The following ARHGAP32 variants were observed in gnomAD, a reference collection of about 807,000 sequenced individuals.
The protein encoded by ARHGAP32 is Rho GTPase activating protein 32.
ARHGAP32 carries 51 observed loss-of-function variants against 186.5 expected under a neutral mutation model. The ratio of observed to expected loss-of-function variants is 0.27; its 90% CI spans 0.22 to 0.35. The LOEUF (loss-of-function observed/expected upper bound fraction) is 0.35, where lower values mean the gene tolerates loss of function less well. ARHGAP32 is among the 10% of genes least tolerant of loss of function. The probability of loss-of-function intolerance (pLI) is 1.00; values close to 1 mark genes in which losing one functional copy is unlikely to be tolerated. For missense variants in ARHGAP32, 2,186 were observed against 2,623.5 expected (o/e 0.83, Z 3.64); for synonymous variants, 950 against 964.3 (o/e 0.99, Z 0.27).
At chr11:129,085,108 C>CAATGTACT (rs1007476461) in intron 6 of ARHGAP32, among the ~76,000 whole-genome samples, 26 of 151,986 alleles carry the variant, frequency 1.7e-4, no homozygotes, top group African/African-American at 6.0e-4. Context: ...ATTACAGCCT[C>CAATGTACT]AATGTACTAG....
chr11:129,261,628 C>G (rs575148522), intron 1 of ARHGAP32, among the ~76,000 whole-genome samples: 1 of 152,232 alleles, frequency 6.6e-6, no homozygotes, highest in South Asian at 2.1e-4. Context: ...TTGTTTCCAC[C>G]TCTCTTCTGT....
rs146730518 is a variant in ARHGAP32, at chr11:129,023,724, T to C, written c.1045+17204A>G. On this transcript the variant is annotated intron_variant, in intron 11 of 22. Transcript: ENST00000682385. ...GTTCAAGTGCTGAATTTCTAGATAA[T>C]TAAATAATTAACCATTTACCTAAGA... The C allele has an allele frequency of 2.7e-3, 515 of 188,136 alleles. 8 individuals carry two copies. The highest frequency in any genetic ancestry group is 0.012 in the African/African-American group (485 of 42,172). 11.7% of individuals were successfully genotyped at this position (188,136 alleles called of 1,614,324 possible).
At chr11:129,112,041 G>A (rs1017512548) in intron 5 of ARHGAP32, among the ~76,000 whole-genome samples, 15 of 152,210 alleles carry the variant, frequency 9.9e-5, no homozygotes, top group East Asian at 1.9e-4. Context: ...TCAGGAGTTC[G>A]AGACCAGCCT....
At chr11:129,139,063 T>C (rs1378121472) in intron 2 of ARHGAP32, among the ~76,000 whole-genome samples, 1 of 152,134 alleles carries the variant, frequency 6.6e-6, no homozygotes, top group African/African-American at 2.4e-5. Flanking sequence ...TATCAAAATT[T>C]TATATTTTAA....
At chr11:129,193,658 AAT>A (rs1944337559), upstream of ARHGAP32, among the ~76,000 whole-genome samples, 2 of 66,490 alleles carry the variant, frequency 3.0e-5, no homozygotes, top group South Asian at 6.5e-4. Flanking sequence ...ATACATATAC[AAT>A]ATATATTATA....
intron 10 of ARHGAP32, among the ~76,000 whole-genome samples, chr11:129,056,053 C>T (rs1940241415): frequency 6.6e-6 from 1 of 152,106 alleles, no homozygotes; most frequent in Non-Finnish European, 1.5e-5. Flanking sequence ...GCTCCTTAGA[C>T]CACTCTTCTA....
rs779554113 is a variant in ARHGAP32, at chr11:128,974,957, T to C, written c.2240A>G (p.Asp747Gly). 1 of 1,613,048 alleles carries C rather than the reference T, an allele frequency of 6.2e-7. No individual in the cohort carries two copies. Among genetic ancestry groups the C allele is most frequent in the Non-Finnish European group, 8.5e-7 (1 of 1,179,692 alleles). ...FRPRRPRSSS[D>G]ALSASFNGEM... ...TCCATTAAAAGAGGCAGACAGTGCA[T>C]CACTGGAAGATCTGGGTCTTCTGGG... Residue 747 changes from aspartate to glycine, a missense_variant, in exon 21 of 23, where the codon GAT (aspartate) becomes GGT (glycine). Physicochemically the swap from Asp to Gly is moderately conservative, Grantham distance 94. Transcript: ENST00000682385.
intron 1 of ARHGAP32, among the ~76,000 whole-genome samples, chr11:129,200,123 G>C (rs1028319877): frequency 6.6e-6 from 1 of 152,152 alleles, no homozygotes; most frequent in African/African-American, 2.4e-5. Flanking sequence ...TATCTAGGAG[G>C]TAACTAACCT....
rs557905047 is a variant in ARHGAP32, at chr11:129,244,330, T to C, written c.-5+34816A>G. On this transcript the variant is annotated intron_variant, in intron 1 of 6. Transcript: ENST00000525234. Reference sequence around the variant, plus strand: ...TATAAATAATTCTGCAAATAATGTATCTGCATATATGGTTAGTTCCATATT... The same window carrying C: ...TATAAATAATTCTGCAAATAATGTACCTGCATATATGGTTAGTTCCATATT... Among the ~76,000 whole-genome samples the C allele has an allele frequency of 2.6e-5, 4 of 152,390 alleles. No homozygotes were observed. The South Asian group carries it at 8.3e-4, about 32-fold the overall frequency.
At chr11:129,136,178 A>G (rs547096806) in intron 2 of ARHGAP32, among the ~76,000 whole-genome samples, 1 of 152,356 alleles carries the variant, frequency 6.6e-6, no homozygotes, top group East Asian at 1.9e-4. Context: ...AGCACATTAC[A>G]AAAGAGGATA....
chr11:129,227,020 A>T (rs545962806), intron 1 of ARHGAP32, among the ~76,000 whole-genome samples: 1 of 152,086 alleles, frequency 6.6e-6, no homozygotes, highest in African/African-American at 2.4e-5. Context: ...TTCTTCTTCT[A>T]CCTAATTTAA....
intron 1 of ARHGAP32, among the ~76,000 whole-genome samples, chr11:129,226,597 T>C (rs373515519): frequency 2.6e-5 from 4 of 152,264 alleles, no homozygotes; most frequent in African/African-American, 7.2e-5. Flanking sequence ...AAAGAAATTG[T>C]TAACAAGACA....
rs1942800854 is a variant in ARHGAP32 at position 129,131,195 on chromosome 11, T to G, written c.226-6301A>C. 2.0e-5 allele frequency among the ~76,000 whole-genome samples: 3 copies of G among 152,116 alleles called. No homozygotes were observed. In the South Asian group the frequency reaches 6.2e-4, roughly 32 times the overall value. On this transcript the variant is annotated intron_variant, in intron 2 of 22. Transcript: ENST00000682385. ...AATACGAAAAAACCTTACCAAGAAC[T>G]GTTTTATATCTCGGTGTGGGTGGTG...
At chr11:129,182,646 C>CTT (rs982648182) in intron 1 of ARHGAP32, among the ~76,000 whole-genome samples, 3 of 144,438 alleles carry the variant, frequency 2.1e-5, no homozygotes, top group Non-Finnish European at 3.1e-5. Flanking sequence ...TTTCTATTAC[C>CTT]TTTTTTTTTT....
intron 3 of ARHGAP32, among the ~76,000 whole-genome samples, chr11:129,124,178 C>T (rs1016852341): frequency 5.3e-5 from 8 of 152,080 alleles, no homozygotes; most frequent in Non-Finnish European, 7.4e-5. Flanking sequence ...AGTCTAAACA[C>T]AAAATTCATT....
intron 1 of ARHGAP32, among the ~76,000 whole-genome samples, chr11:129,166,231 T>G (rs78513980): frequency 6.6e-6 from 1 of 151,062 alleles, no homozygotes; most frequent in Non-Finnish European, 1.5e-5. Flanking sequence ...ATACACAAAA[T>G]AGTATAAAGG....
intron 12 of ARHGAP32, among the ~76,000 whole-genome samples, chr11:128,989,073 G>C (rs765317976): frequency 4.6e-5 from 7 of 152,018 alleles, no homozygotes; most frequent in African/African-American, 9.7e-5. Context: ...AAACAAATAA[G>C]GCATTTTAAT....
chr11:129,209,547 G>A (rs892848658), intron 1 of ARHGAP32, among the ~76,000 whole-genome samples: 1 of 152,022 alleles, frequency 6.6e-6, no homozygotes, highest in Admixed American at 6.6e-5. Context: ...TGCCTTGACA[G>A]GAGCTGAATT....
intron 1 of ARHGAP32, among the ~76,000 whole-genome samples, chr11:129,239,969 T>C (rs906732682): frequency 5.9e-5 from 9 of 152,190 alleles, no homozygotes; most frequent in African/African-American, 2.2e-4. Flanking sequence ...CTGTTGTTTG[T>C]AATCTTCATT....
Sources: gnomAD v4.1 joint callset for allele counts (sites outside exome capture counted in the v4.1 genomes callset) on GRCh38, gnomAD v4.1.1 for gene constraint, MANE v1.5 for transcripts, NCBI Gene and HGNC (gene_info 2026-07-23, HGNC 2026-07-21) for gene names.